CA10: variants seen among roughly 807,000 people sequenced by gnomAD.
CA10 encodes carbonic anhydrase-related protein 10.
CA10 carries 14 observed loss-of-function variants against 44.2 expected under a neutral mutation model. The ratio of observed to expected loss-of-function variants is 0.32; its 90% CI spans 0.21 to 0.50. The LOEUF (loss-of-function observed/expected upper bound fraction) is 0.50. CA10 is among the 20% of genes least tolerant of loss of function. The pLI is 0.99. For synonymous variants in CA10, 159 were observed against 141.6 expected, an observed-to-expected ratio of 1.12 and a Z score of -0.87; for missense variants, 350 against 409.7, an observed-to-expected ratio of 0.85 and a Z score of 1.26.
intron 4 of CA10, among the ~76,000 whole-genome samples, chr17:51,682,202 G>A (rs1157061834): frequency 3.9e-5 from 6 of 152,214 alleles, no homozygotes; most frequent in Non-Finnish European, 8.8e-5. Flanking sequence ...GTGGCCATTT[G>A]TTTTCCGGGC....
At chr17:52,038,865 G>A (rs964132664) in intron 2 of CA10, among the ~76,000 whole-genome samples, 2 of 152,082 alleles carry the variant, frequency 1.3e-5, no homozygotes, top group African/African-American at 4.8e-5. Context: ...AAGACTTGGT[G>A]TTTCTCTGGG....
At chr17:52,057,131 T>C (rs1027079011) in intron 2 of CA10, among the ~76,000 whole-genome samples, 6 of 152,086 alleles carry the variant, frequency 3.9e-5, no homozygotes, top group African/African-American at 1.4e-4. Context: ...ATACAGTGCA[T>C]AGTAGAGAAT....
chr17:51,987,656 A>T (rs1009757573), intron 2 of CA10, among the ~76,000 whole-genome samples: 6 of 152,062 alleles, frequency 3.9e-5, no homozygotes, highest in Non-Finnish European at 7.4e-5. Flanking sequence ...TAAAAAAAAG[A>T]CAGAAAAACT....
chr17:52,074,916 A>T (rs1036311342), intron 1 of CA10, among the ~76,000 whole-genome samples: 15 of 152,146 alleles, frequency 9.9e-5, no homozygotes, highest in African/African-American at 3.6e-4. Flanking sequence ...GACATGTTAA[A>T]ATTATATTAC....
intron 3 of CA10, among the ~76,000 whole-genome samples, chr17:51,821,833 T>C (rs1907813855): frequency 6.6e-6 from 1 of 152,218 alleles, no homozygotes; most frequent in African/African-American, 2.4e-5. Flanking sequence ...GACCTAAGTT[T>C]GACTCCCGAT....
At chr17:51,984,249 C>A (rs1232147870) in intron 2 of CA10, among the ~76,000 whole-genome samples, 1 of 151,616 alleles carries the variant, frequency 6.6e-6, no homozygotes, top group Non-Finnish European at 1.5e-5. Context: ...AATTAAATAA[C>A]CTGCTCCTTT....
At chr17:52,148,538 ACT>A (rs1989637490) in intron 1 of CA10, among the ~76,000 whole-genome samples, 1 of 152,166 alleles carries the variant, frequency 6.6e-6, no homozygotes, top group South Asian at 2.1e-4. Context: ...ATTCTCTGTG[ACT>A]CTGCACACTC....
At chr17:51,821,359 A>C (rs112548113) in intron 3 of CA10, among the ~76,000 whole-genome samples, 1 of 151,760 alleles carries the variant, frequency 6.6e-6, no homozygotes, top group Admixed American at 6.6e-5. Context: ...ACGACCATCC[A>C]CTAAACCTTG....
intron 4 of CA10, among the ~76,000 whole-genome samples, chr17:51,742,376 C>A (rs1309293136): frequency 6.6e-6 from 1 of 152,194 alleles, no homozygotes; most frequent in Non-Finnish European, 1.5e-5. Flanking sequence ...AATTACATTG[C>A]CTGAGCACTC....
At chr17:52,079,110 C>T (rs891319771) in intron 1 of CA10, among the ~76,000 whole-genome samples, 1 of 152,132 alleles carries the variant, frequency 6.6e-6, no homozygotes, top group African/African-American at 2.4e-5. Context: ...CACGGGGAAA[C>T]CCCGTCTCTA....
intron 4 of CA10, among the ~76,000 whole-genome samples, chr17:51,717,829 G>GTATATATATATA (rs55932655): frequency 2.5e-4 from 2 of 7,920 alleles, no homozygotes; most frequent in African/African-American, 3.4e-4. Flanking sequence ...ATATGTGTGT[G>GTATATATATATA]TATATATATA....
chr17:52,040,887 C>T (rs533274521), intron 2 of CA10, among the ~76,000 whole-genome samples: 2 of 151,936 alleles, frequency 1.3e-5, no homozygotes, highest in African/African-American at 4.8e-5. Context: ...GAAGAATACC[C>T]AAAGCCAGGG....
At chr17:51,912,682 T>C (rs1216838949) in intron 3 of CA10, among the ~76,000 whole-genome samples, 1 of 152,098 alleles carries the variant, frequency 6.6e-6, no homozygotes, top group Non-Finnish European at 1.5e-5. Flanking sequence ...GTGTGTGCAA[T>C]GAAAGGGAAT....
At chr17:51,803,317 GCCT>G (rs1228920017) in intron 3 of CA10, among the ~76,000 whole-genome samples, 2 of 152,102 alleles carry the variant, frequency 1.3e-5, no homozygotes, top group African/African-American at 4.8e-5. Flanking sequence ...CTTTTCCTGA[GCCT>G]TTACTGTCCC....
intron 2 of CA10, among the ~76,000 whole-genome samples, chr17:51,975,160 T>C (rs1268199012): frequency 3.3e-5 from 5 of 151,882 alleles, no homozygotes; most frequent in Non-Finnish European, 7.4e-5. Context: ...GGAAATAGAA[T>C]ACTAAAGATT....
intron 2 of CA10, among the ~76,000 whole-genome samples, chr17:52,036,496 G>T (rs909656222): frequency 1.3e-5 from 2 of 152,134 alleles, no homozygotes; most frequent in African/African-American, 2.4e-5. Flanking sequence ...TCTTGAAGGA[G>T]GGGCCACCTG....
chr17:51,832,663 T>C (rs1043065467), intron 3 of CA10, among the ~76,000 whole-genome samples: 2 of 152,208 alleles, frequency 1.3e-5, no homozygotes, highest in Non-Finnish European at 2.9e-5. Flanking sequence ...ATCGAGGATT[T>C]ATCTGGAGAA....
intron 2 of CA10, among the ~76,000 whole-genome samples, chr17:52,000,665 AT>A (rs1333152484): frequency 6.6e-6 from 1 of 152,062 alleles, no homozygotes; most frequent in Non-Finnish European, 1.5e-5. Context: ...CAATAATCAA[AT>A]TCACTGAAAT....
At chr17:52,008,054 A>T (rs1438055820) in intron 2 of CA10, among the ~76,000 whole-genome samples, 1 of 151,574 alleles carries the variant, frequency 6.6e-6, no homozygotes, top group Non-Finnish European at 1.5e-5. Context: ...TTCATTACTC[A>T]TTCAGTCTCT....
Sources: gnomAD v4.1 joint callset for allele counts (sites outside exome capture counted in the v4.1 genomes callset) on GRCh38, gnomAD v4.1.1 for gene constraint, MANE v1.5 for transcripts, NCBI Gene and HGNC (gene_info 2026-07-23, HGNC 2026-07-21) for gene names.